Variants in PPP1CB observed in about 807,000 individuals in gnomAD.
PPP1CB encodes the protein serine/threonine-protein phosphatase PP1-beta catalytic subunit.
Under a neutral mutation model 43.7 loss-of-function variants are expected in PPP1CB, and 2 were observed. The ratio of observed to expected loss-of-function variants is 0.05; its 90% confidence interval spans 0.02 to 0.14. The LOEUF is 0.14. PPP1CB is among the 10% of genes least tolerant of loss of function. The pLI, the probability that PPP1CB is intolerant of heterozygous loss-of-function variation, is 1.00. For missense variants in PPP1CB, 84 were observed against 398.0 expected (o/e 0.21, Z 6.71); for synonymous variants, 136 against 135.6 (o/e 1.00, Z -0.02).
At chr2:28,789,225 G>A (rs979994000) in intron 6 of PPP1CB, among the ~76,000 whole-genome samples, 1 of 151,836 alleles carries the variant, frequency 6.6e-6, no homozygotes, top group Non-Finnish European at 1.5e-5. Flanking sequence ...AATATTTTGG[G>A]GCTGGGCATG....
intron 1 of PPP1CB, among the ~76,000 whole-genome samples, chr2:28,763,393 A>G (rs1015507118): frequency 3.9e-5 from 6 of 152,098 alleles, no homozygotes; most frequent in African/African-American, 9.7e-5. Flanking sequence ...GTACTGAGAC[A>G]CTTAACAGTT....
At chr2:28,772,775 TAATCTGA>T (rs1558302897) in intron 1 of PPP1CB, among the ~76,000 whole-genome samples, 1 of 152,224 alleles carries the variant, frequency 6.6e-6, no homozygotes, top group African/African-American at 2.4e-5. Flanking sequence ...CGTAATCTGA[TAATCTGA>T]AATCTGAAAT....
chr2:28,752,344 G>T (rs1299812013), intron 1 of PPP1CB, among the ~76,000 whole-genome samples, 168 bp downstream of exon 1: 2 of 152,032 alleles, frequency 1.3e-5, no homozygotes. Context: ...GGCTCTGGGC[G>T]CGGGGGAGCG....
At chr2:28,756,084 T>C (rs1666483274) in intron 1 of PPP1CB, among the ~76,000 whole-genome samples, 1 of 152,236 alleles carries the variant, frequency 6.6e-6, no homozygotes, top group Admixed American at 6.5e-5. Context: ...CATAGCTTTA[T>C]GAGTTAATTT....
intron 2 of PPP1CB, 27 bp downstream of exon 2, chr2:28,777,009 A>G (rs771447172): frequency 6.2e-7 from 1 of 1,602,182 alleles, no homozygotes; most frequent in East Asian, 2.2e-5. Context: ...AGTTGGAAAC[A>G]ACTCTTTTGA....
In PPP1CB at chr2:28,766,335, G is replaced by C. The variant is rs949631942; in HGVS notation, c.53-10516G>C. ...TAACTGACAGTGGTTAAGTTCATTA[G>C]AGCAAATGAAGTTGACCATTGATGC... is the stretch of plus-strand genomic sequence containing the variant. On this transcript the variant is annotated intron_variant, in intron 1 of 7. Transcript: ENST00000395366. Among the ~76,000 whole-genome samples, 5 of 152,210 alleles carry C rather than the reference G, an allele frequency of 3.3e-5. No homozygotes were observed. The East Asian group carries it at 5.8e-4, about 18-fold the overall frequency.
intron 6 of PPP1CB, among the ~76,000 whole-genome samples, chr2:28,791,088 C>T (rs980861972): frequency 2.6e-5 from 4 of 152,118 alleles, no homozygotes; most frequent in Non-Finnish European, 5.9e-5. Flanking sequence ...TTAATAAAAG[C>T]GTATTTAATT....
intron 1 of PPP1CB, among the ~76,000 whole-genome samples, chr2:28,762,807 T>C (rs974808605): frequency 2.6e-5 from 4 of 152,348 alleles, no homozygotes; most frequent in African/African-American, 9.6e-5. Context: ...CAGCTTATTA[T>C]CTAATACAGT....
At chr2:28,757,347 A>G (rs1215226773) in intron 1 of PPP1CB, among the ~76,000 whole-genome samples, 1 of 152,046 alleles carries the variant, frequency 6.6e-6, no homozygotes, top group Non-Finnish European at 1.5e-5. Flanking sequence ...ATTTGTGTAG[A>G]AGTTTTTTTT....
At chr2:28,782,122 G>C (rs1667167757) in intron 4 of PPP1CB, 2 of 376,062 alleles carry the variant, frequency 5.3e-6, no homozygotes, top group African/African-American at 4.3e-5. Context: ...AGACACCCCT[G>C]CTATTTATTA....
chr2:28,785,065 C>CTTTTTTTTTTTTTTTTTTTTTTTTTTT lies in PPP1CB; in HGVS notation c.592+1089_592+1115dup, dbSNP rs769650329. Among the ~76,000 whole-genome samples, 19 of 54,996 alleles carry CTTTTTTTTTTTTTTTTTTTTTTTTTTT rather than the reference C, an allele frequency of 3.5e-4. 6 individuals are homozygous for CTTTTTTTTTTTTTTTTTTTTTTTTTTT. Among genetic ancestry groups the CTTTTTTTTTTTTTTTTTTTTTTTTTTT allele is most frequent in the Non-Finnish European group, 3.1e-4 (9 of 28,692 alleles). The allele number at this position is 54,996 out of a possible 152,430, so 36.1% of individuals were successfully genotyped here. A position where few individuals can be genotyped will look rare whatever the true frequency, so the allele number is the denominator to read the frequency against. On this transcript the variant is annotated intron_variant, in intron 5 of 7. Coordinates refer to ENST00000395366, the MANE Select transcript of PPP1CB (RefSeq NM_002709.3). ...ATGTTGTAATAAATTGTGTTAGGAG[C>CTTTTTTTTTTTTTTTTTTTTTTTTTTT]TTTTTTTTTTTTTTTTTTTTTTTTT...
Position 28,752,123 on chromosome 2 carries a change from A to G in PPP1CB, c.-2A>G. On this transcript the variant is annotated 5_prime_UTR_variant, in exon 1 of 8. Transcript: ENST00000395366. The stretch of plus-strand genomic sequence containing the variant: ...CTGGGAAGGAGAGTCTGTGCCGACA[A>G]GATGGCGGACGGGGAGCTGAACGTG... 1 of 1,549,814 alleles carries G rather than the reference A, an allele frequency of 6.5e-7. No individual in the cohort carries two copies.
At chr2:28,790,526 G>C (rs906516445) in intron 6 of PPP1CB, among the ~76,000 whole-genome samples, 1 of 152,048 alleles carries the variant, frequency 6.6e-6, no homozygotes, top group Non-Finnish European at 1.5e-5. Context: ...TTTTAGTAGA[G>C]ACGGGGTTTC....
At chr2:28,788,863 G>A in intron 6 of PPP1CB, 54 bp downstream of exon 6, 2 of 1,474,464 alleles carry the variant, frequency 1.4e-6, no homozygotes, top group East Asian at 2.3e-5. Context: ...TTTTTTGGGG[G>A]CAGACGGAGG....
At chr2:28,781,866 A>G (rs1175619064) in intron 4 of PPP1CB, 24 bp downstream of exon 4, 8 of 1,550,176 alleles carry the variant, frequency 5.2e-6, no homozygotes, top group Non-Finnish European at 7.1e-6. Context: ...TTTGCCTTAC[A>G]GATTTTTTTT....
intron 7 of PPP1CB, among the ~76,000 whole-genome samples, chr2:28,795,685 G>C (rs1667484288): frequency 6.6e-6 from 1 of 152,036 alleles, no homozygotes; most frequent in African/African-American, 2.4e-5. Context: ...GCCTTATAGA[G>C]TCTGGATATT....
At chr2:28,765,813 CTGAGGCAGGAGAA>C (rs973202193) in intron 1 of PPP1CB, among the ~76,000 whole-genome samples, 2 of 152,180 alleles carry the variant, frequency 1.3e-5, no homozygotes, top group African/African-American at 4.8e-5. Flanking sequence ...ACTTGGGAGG[CTGAGGCAGGAGAA>C]TGTCTTGAGC....
rs1045019484 is a variant in PPP1CB, at chr2:28,790,324, A to C, written c.744+1515A>C. The stretch of plus-strand genomic sequence containing the variant: ...GATTGTAGACTTGGTAATAGGTATG[A>C]ATTATTTAATCTTTTAATTTTTTGT... On this transcript the variant is annotated intron_variant, in intron 6 of 7. Coordinates refer to ENST00000395366, the MANE Select transcript of PPP1CB (RefSeq NM_002709.3). Among the ~76,000 whole-genome samples the C allele has an allele frequency of 2.0e-5, 3 of 151,934 alleles. No individual in the cohort carries two copies. In the South Asian group the frequency reaches 6.2e-4, roughly 32 times the overall value.
At chr2:28,762,439 C>T (rs192696791) in intron 1 of PPP1CB, among the ~76,000 whole-genome samples, 2 of 152,302 alleles carry the variant, frequency 1.3e-5, no homozygotes, top group East Asian at 1.9e-4. Context: ...CAGCTGAATT[C>T]ACATCTCTGT....
Sources: gnomAD v4.1 joint callset for allele counts (sites outside exome capture counted in the v4.1 genomes callset) on GRCh38, gnomAD v4.1.1 for gene constraint, MANE v1.5 for transcripts, NCBI Gene and HGNC (gene_info 2026-07-23, HGNC 2026-07-21) for gene names.